LY96: variants seen among roughly 807,000 people sequenced by gnomAD.
LY96 encodes lymphocyte antigen 96.
In LY96, 18 loss-of-function variants were observed where a neutral mutation model predicts 18.9. The ratio of observed to expected loss-of-function variants is 0.95; its 90% CI spans 0.66 to 1.41. LY96 has a LOEUF of 1.41. Among genes scored for constraint, LY96 ranks in the 40% most tolerant of loss-of-function variants. The pLI, the probability that LY96 is intolerant of heterozygous loss-of-function variation, is 0.00. For missense variants in LY96, 175 were observed against 182.4 expected, an observed-to-expected ratio of 0.96 and a Z score of 0.23; for synonymous variants, 66 against 62.6, an observed-to-expected ratio of 1.06 and a Z score of -0.26.
the LY96 span, among the ~76,000 whole-genome samples, chr8:74,048,416 C>T: frequency 6.6e-6 from 1 of 152,172 alleles, no homozygotes; most frequent in Non-Finnish European, 1.5e-5. Flanking sequence ...CATCTGCCAC[C>T]ATGCCCAGGT....
At chr8:74,029,889 A>C (rs1383929085), downstream of LY96, among the ~76,000 whole-genome samples, 1 of 152,026 alleles carries the variant, frequency 6.6e-6, no homozygotes, top group African/African-American at 2.4e-5. Flanking sequence ...TGAACTCCTG[A>C]CCTCAGGTGA....
At chr8:74,031,940 A>G (rs1816978670), downstream of LY96, among the ~76,000 whole-genome samples, 1 of 151,956 alleles carries the variant, frequency 6.6e-6, no homozygotes, top group Admixed American at 6.6e-5. Flanking sequence ...CCTGGCCAAG[A>G]CGGTGAAACC....
At chr8:74,018,792 T>G (rs1419342735) in intron 3 of LY96, among the ~76,000 whole-genome samples, 2 of 152,116 alleles carry the variant, frequency 1.3e-5, no homozygotes, top group Non-Finnish European at 2.9e-5. Context: ...CACAACTACA[T>G]GGAAACTGAA....
the LY96 span, among the ~76,000 whole-genome samples, chr8:74,040,895 G>A: frequency 6.6e-6 from 1 of 151,602 alleles, no homozygotes. Context: ...GTACAGATGG[G>A]GTTTCACCAA....
At chr8:74,067,293 G>T in the LY96 span, among the ~76,000 whole-genome samples, 1 of 152,260 alleles carries the variant, frequency 6.6e-6, no homozygotes, top group South Asian at 2.1e-4. Flanking sequence ...GTGCAGTGGT[G>T]CAATTACACC....
At chr8:74,023,831 A>T (rs1260475712) in intron 3 of LY96, among the ~76,000 whole-genome samples, 1 of 152,212 alleles carries the variant, frequency 6.6e-6, no homozygotes, top group Non-Finnish European at 1.5e-5. Flanking sequence ...GTATTATAAA[A>T]AGATGAATAG....
intron 1 of LY96, among the ~76,000 whole-genome samples, chr8:74,003,132 C>T (rs1816332925): frequency 6.6e-6 from 1 of 152,210 alleles, no homozygotes. Context: ...CATTACAAAG[C>T]AGACATCTTT....
the LY96 span, among the ~76,000 whole-genome samples, chr8:74,062,787 G>A: frequency 0.075 from 11,380 of 152,110 alleles, 672 homozygotes; most frequent in African/African-American, 0.17. Context: ...TGAGTTAGTC[G>A]CATGACTAGT....
At chr8:74,006,764 T>A (rs1816421108) in intron 2 of LY96, among the ~76,000 whole-genome samples, 2 of 152,224 alleles carry the variant, frequency 1.3e-5, no homozygotes, top group African/African-American at 4.8e-5. Context: ...ACAATTGGCA[T>A]AAAGGATGAT....
chr8:73,996,360 CCTTCCTTCATTCCTTTCTTTCTTTCTTT>C (rs1816129753), intron 1 of LY96, among the ~76,000 whole-genome samples: 6 of 116,836 alleles, frequency 5.1e-5, no homozygotes, highest in African/African-American at 1.3e-4. Context: ...TTCCTTCCTT[CCTTCCTTCATTCCTTTCTTTCTTTCTTT>C]CTTTCTTTCT....
At chr8:74,048,893 A>G in the LY96 span, 2 of 152,196 alleles carry the variant, frequency 1.3e-5, no homozygotes, top group Non-Finnish European at 2.9e-5. Flanking sequence ...AAAGAATGAA[A>G]GAAAAAAAAT....
intron 2 of LY96, among the ~76,000 whole-genome samples, chr8:74,008,806 C>G (rs1816468984): frequency 6.6e-6 from 1 of 152,010 alleles, no homozygotes; most frequent in Non-Finnish European, 1.5e-5. Flanking sequence ...AGAGAGTGTG[C>G]AGAGTGAAAA....
At chr8:74,039,475 A>C in the LY96 span, among the ~76,000 whole-genome samples, 1 of 152,168 alleles carries the variant, frequency 6.6e-6, no homozygotes, top group African/African-American at 2.4e-5. Flanking sequence ...GATAAAGAGA[A>C]AACAGCTGGG....
chr8:74,083,302 C>G, the LY96 span, among the ~76,000 whole-genome samples: 3 of 152,122 alleles, frequency 2.0e-5, no homozygotes, highest in Admixed American at 2.0e-4. Context: ...GCAACCTCCA[C>G]CTCCCCAGTT....
At chr8:74,084,912 G>C in the LY96 span, among the ~76,000 whole-genome samples, 2 of 152,206 alleles carry the variant, frequency 1.3e-5, no homozygotes, top group Admixed American at 1.3e-4. Flanking sequence ...ACCGCACCCA[G>C]CCCTCTCTTT....
At chr8:74,025,424 G>C in intron 3 of LY96, among the ~76,000 whole-genome samples, 1 of 152,058 alleles carries the variant, frequency 6.6e-6, no homozygotes, top group South Asian at 2.1e-4. Flanking sequence ...GAAGGCCGAG[G>C]CAGGCAGATC....
chr8:74,041,028 C>T, the LY96 span, among the ~76,000 whole-genome samples: 4,031 of 152,076 alleles, frequency 0.027, 109 homozygotes, highest in Non-Finnish European at 0.034. Flanking sequence ...ATTAGTGTTG[C>T]GGGAAGTCAG....
At chr8:74,013,614 G>A (rs1212373043) in intron 3 of LY96, among the ~76,000 whole-genome samples, 1 of 151,980 alleles carries the variant, frequency 6.6e-6, no homozygotes, top group South Asian at 2.1e-4. Flanking sequence ...TAGAGACAGG[G>A]TCTCACTATG....
At chr8:74,024,146 T>C (rs1816822776) in intron 3 of LY96, among the ~76,000 whole-genome samples, 1 of 152,154 alleles carries the variant, frequency 6.6e-6, no homozygotes, top group Non-Finnish European at 1.5e-5. Flanking sequence ...TACTGAGAAT[T>C]AGGTGCTAGG....
Sources: allele counts gnomAD v4.1 joint callset (sites outside exome capture counted in the v4.1 genomes callset), GRCh38; gene constraint gnomAD v4.1.1; transcripts MANE v1.5; gene names NCBI Gene and HGNC (gene_info 2026-07-23, HGNC 2026-07-21).